NAA50: variants seen among roughly 807,000 people sequenced by gnomAD.
NAA50 encodes the protein N-alpha-acetyltransferase 50, NatE catalytic subunit, also known as N-alpha-acetyltransferase 50.
NAA50 carries 7 observed loss-of-function variants against 20.7 expected under a neutral mutation model. That is an observed-to-expected ratio of 0.34 (90% CI 0.19 to 0.63). The LOEUF is 0.63. Ranked by LOEUF, NAA50 falls within the 30% of genes least tolerant of loss-of-function variation. The probability of loss-of-function intolerance (pLI) is 0.75; values close to 1 mark genes in which losing one functional copy is unlikely to be tolerated. For missense variants in NAA50, 111 were observed against 199.1 expected (o/e 0.56, Z 2.66); for synonymous variants, 54 against 70.6 (o/e 0.77, Z 1.18).
In NAA50 at chr3:113,720,873, T is replaced by C. The variant is rs1708126601; in HGVS notation, c.*887A>G. ...AGGTTTATTTAGGGGTAGTGACCTA[T>C]AAGGACATCAACTCAATTTTTAAGG... On this transcript the variant is annotated 3_prime_UTR_variant, in exon 5 of 5. Coordinates refer to ENST00000240922, the MANE Select transcript of NAA50 (RefSeq NM_025146.4). 8 of 152,522 alleles carry C rather than the reference T, an allele frequency of 5.2e-5. No homozygotes were observed. In the South Asian group the frequency reaches 1.7e-3, roughly 32 times the overall value. 9.4% of individuals were successfully genotyped at this position (152,522 alleles called of 1,614,324 possible).
At chr3:113,741,079 A>G in intron 1 of NAA50, 1 of 519,112 alleles carries the variant, frequency 1.9e-6, no homozygotes, top group Admixed American at 2.4e-5. Context: ...GTCCACATAC[A>G]GCATTAATTG....
At chr3:113,723,635 A>G (rs1428249270) in intron 2 of NAA50, 94 bp from the exon 3 acceptor site, 2 of 1,318,468 alleles carry the variant, frequency 1.5e-6, no homozygotes, top group African/African-American at 2.9e-5. Context: ...TCCTATCAAC[A>G]TTAAATTTCA....
intron 1 of NAA50, among the ~76,000 whole-genome samples, chr3:113,732,574 G>A (rs114022715): frequency 9.5e-4 from 144 of 152,098 alleles, no homozygotes; most frequent in African/African-American, 3.2e-3. Flanking sequence ...GTGGCCCCAC[G>A]CTTGGGGCAG....
Position 113,721,716 on chromosome 3 carries a change from T to C in NAA50, c.*44A>G. 1.9e-6 allele frequency: 3 copies of C among 1,609,778 alleles called. No homozygotes were observed. The highest frequency in any genetic ancestry group is 2.5e-6 in the Non-Finnish European group (3 of 1,177,176). The stretch of plus-strand genomic sequence containing the variant: ...GGGAGGAATCAATGGGCCTCTCTTT[T>C]ATTTGGCGACAAGCAAGTGCAAGAA... On this transcript the variant is annotated 3_prime_UTR_variant, in exon 5 of 5. Coordinates refer to ENST00000240922, the MANE Select transcript of NAA50 (RefSeq NM_025146.4).
intron 1 of NAA50, among the ~76,000 whole-genome samples, chr3:113,743,726 A>C (rs1235159119): frequency 6.6e-6 from 1 of 152,214 alleles, no homozygotes; most frequent in Admixed American, 6.5e-5. Flanking sequence ...AATCATAAGA[A>C]GTAATAGGAA....
intron 1 of NAA50, among the ~76,000 whole-genome samples, chr3:113,734,755 T>C (rs1332631590): frequency 6.6e-6 from 1 of 152,210 alleles, no homozygotes; most frequent in African/African-American, 2.4e-5. Context: ...CAGATCACTC[T>C]TCCAAATTTC....
At chr3:113,735,760 T>C (rs1373097448) in intron 1 of NAA50, among the ~76,000 whole-genome samples, 4 of 152,242 alleles carry the variant, frequency 2.6e-5, no homozygotes, top group Admixed American at 2.6e-4. Flanking sequence ...CTCAGCTTAC[T>C]GCAACCTCTG....
rs1025195265 is a variant in NAA50 at position 113,718,748 on chromosome 3, G to A, written c.*3012C>T. 2 of 152,162 alleles carry A rather than the reference G, an allele frequency of 1.3e-5. No individual in the cohort carries two copies. Among genetic ancestry groups the A allele is most frequent in the African/African-American group, 4.8e-5 (2 of 41,418 alleles). 9.4% of individuals were successfully genotyped at this position (152,162 alleles called of 1,614,324 possible). A position where few individuals can be genotyped will look rare whatever the true frequency, so the allele number is the denominator to read the frequency against. On this transcript the variant is annotated 3_prime_UTR_variant, in exon 5 of 5. Coordinates refer to ENST00000240922, the MANE Select transcript of NAA50 (RefSeq NM_025146.4). ...AATACAGCAGCAAGACAGTTCCTTG[G>A]ATCTTACTTTTTCCCTCTCATTGGA...
chr3:113,727,814 TAAGC>T (rs1708217866), intron 1 of NAA50, among the ~76,000 whole-genome samples: 1 of 152,190 alleles, frequency 6.6e-6, no homozygotes, highest in African/African-American at 2.4e-5. Context: ...TTGGAAAAAT[TAAGC>T]TGTTTTTGAG....
intron 1 of NAA50, among the ~76,000 whole-genome samples, chr3:113,732,207 A>G (rs967619712): frequency 3.9e-5 from 6 of 152,222 alleles, no homozygotes; most frequent in South Asian, 2.1e-4. Flanking sequence ...ATATAATCAC[A>G]TAAGTCCTTA....
Position 113,725,524 on chromosome 3 carries a change from G to C in NAA50, c.9-1429C>G, listed in dbSNP as rs144863173. On this transcript the variant is annotated intron_variant, in intron 1 of 4. Transcript: ENST00000240922. ...TGAAGGCCTGTAATCCCAGCACTTTGGGAGACCGGGGTGAGAGGATCCTTT... is the reference window on the plus strand; with the variant it reads ...TGAAGGCCTGTAATCCCAGCACTTTCGGAGACCGGGGTGAGAGGATCCTTT... Among the ~76,000 whole-genome samples, 33 of 152,216 alleles carry C rather than the reference G, an allele frequency of 2.2e-4. No homozygotes were observed. In the East Asian group the frequency reaches 5.0e-3, roughly 23 times the overall value.
In NAA50 at chr3:113,721,729, G is replaced by T. The variant is rs1708138220; in HGVS notation, c.*31C>A. On this transcript the variant is annotated 3_prime_UTR_variant, in exon 5 of 5. Coordinates refer to ENST00000240922, the MANE Select transcript of NAA50 (RefSeq NM_025146.4). Reference sequence around the variant, plus strand: ...GGGCCTCTCTTTTATTTGGCGACAAGCAAGTGCAAGAAAGTTCATTTGTAA... The same window carrying T: ...GGGCCTCTCTTTTATTTGGCGACAATCAAGTGCAAGAAAGTTCATTTGTAA... The T allele has an allele frequency of 6.2e-7, 1 of 1,612,224 alleles. No individual in the cohort carries two copies. The highest frequency in any genetic ancestry group is 8.5e-7 in the Non-Finnish European group (1 of 1,178,942).
chr3:113,744,287 C>G (rs2107997509), intron 1 of NAA50, among the ~76,000 whole-genome samples: 1 of 152,022 alleles, frequency 6.6e-6, no homozygotes, highest in South Asian at 2.1e-4. Flanking sequence ...CATAGTCAGA[C>G]CCCCGTCTCT....
At chr3:113,732,988 T>C (rs926536201) in intron 1 of NAA50, among the ~76,000 whole-genome samples, 2 of 152,170 alleles carry the variant, frequency 1.3e-5, no homozygotes, top group African/African-American at 2.4e-5. Context: ...ACTAATGATG[T>C]TGAGTATGTT....
At chr3:113,721,987 A>C in intron 4 of NAA50, 50 bp from the exon 5 acceptor site, 1 of 1,546,534 alleles carries the variant, frequency 6.5e-7, no homozygotes, top group East Asian at 2.3e-5. Flanking sequence ...AGGTTTCATC[A>C]AGTTTTAAGC....
Position 113,721,719 on chromosome 3 carries a change from T to C in NAA50, c.*41A>G, listed in dbSNP as rs371430548. On this transcript the variant is annotated 3_prime_UTR_variant, in exon 5 of 5. Coordinates refer to ENST00000240922, the MANE Select transcript of NAA50 (RefSeq NM_025146.4). Reference sequence around the variant, plus strand: ...AGGAATCAATGGGCCTCTCTTTTATTTGGCGACAAGCAAGTGCAAGAAAGT... The same window carrying C: ...AGGAATCAATGGGCCTCTCTTTTATCTGGCGACAAGCAAGTGCAAGAAAGT... The C allele has an allele frequency of 3.1e-6, 5 of 1,610,426 alleles. No homozygotes were observed. In the African/African-American group the frequency reaches 4.0e-5, roughly 13 times the overall value.
At chr3:113,744,768 G>A (rs1220424497) in intron 1 of NAA50, among the ~76,000 whole-genome samples, 1 of 152,150 alleles carries the variant, frequency 6.6e-6, no homozygotes. Context: ...ATTAAAGTAA[G>A]GAAACATGTT....
rs186688015 is a variant in NAA50 at position 113,717,424 on chromosome 3, G to C, written c.*4336C>G. 2.0e-5 allele frequency: 3 copies of C among 152,278 alleles called. No homozygotes were observed. Among genetic ancestry groups the C allele is most frequent in the Admixed American group, 1.3e-4 (2 of 15,292 alleles). 9.4% of individuals were successfully genotyped at this position (152,278 alleles called of 1,614,324 possible). A position where few individuals can be genotyped will look rare whatever the true frequency, so the allele number is the denominator to read the frequency against. On this transcript the variant is annotated 3_prime_UTR_variant, in exon 5 of 5. Transcript: ENST00000240922. ...GTTGAGAATTTCTGCCCCAGTAACAGATCGTTCTCTGACTTAAATAATTCT... is the reference window on the plus strand; with the variant it reads ...GTTGAGAATTTCTGCCCCAGTAACACATCGTTCTCTGACTTAAATAATTCT...
Position 113,721,545 on chromosome 3 carries a change from C to A in NAA50, c.*215G>T. ...TCTACCTTGTCCTTCCTTCAAACCA[C>A]CTCACAAAAATAAGAGAAAACAATT... On this transcript the variant is annotated 3_prime_UTR_variant, in exon 5 of 5. Transcript: ENST00000240922. 1.7e-6 allele frequency: 1 copy of A among 593,854 alleles called. No homozygotes were observed. Among genetic ancestry groups the A allele is most frequent in the South Asian group, 2.1e-5 (1 of 47,212 alleles). The allele number at this position is 593,854 out of a possible 1,614,324, so 36.8% of individuals were successfully genotyped here.
Sources: gnomAD v4.1 joint callset for allele counts (sites outside exome capture counted in the v4.1 genomes callset) on GRCh38, gnomAD v4.1.1 for gene constraint, MANE v1.5 for transcripts, NCBI Gene and HGNC (gene_info 2026-07-23, HGNC 2026-07-21) for gene names.